The following AACS variants were observed in gnomAD, a reference collection of about 807,000 sequenced individuals.
AACS encodes acetoacetyl-CoA synthetase.
AACS carries 69 observed loss-of-function variants against 83.1 expected under a neutral mutation model. The observed-to-expected ratio is 0.83, with a 90% CI of 0.68 to 1.01. AACS has a LOEUF of 1.01. Ranked by LOEUF, AACS falls within the 50% of genes least tolerant of loss-of-function variation. The probability of loss-of-function intolerance (pLI) is 0.00; values close to 1 mark genes in which losing one functional copy is unlikely to be tolerated. For synonymous variants in AACS, 333 were observed against 343.4 expected, an observed-to-expected ratio of 0.97 and a Z score of 0.33; for missense variants, 866 against 882.2, an observed-to-expected ratio of 0.98 and a Z score of 0.23.
intron 4 of AACS, 24 bp from the exon 5 acceptor site, chr12:125,091,402 C>T (rs1305229959): frequency 1.2e-6 from 2 of 1,612,496 alleles, no homozygotes; most frequent in Admixed American, 3.3e-5. Flanking sequence ...GAACCCAAGG[C>T]TTCTTCCTAT....
chr12:125,121,713 A>G (rs1008721987), intron 10 of AACS: 2 of 152,274 alleles, frequency 1.3e-5, no homozygotes, highest in Non-Finnish European at 2.9e-5. Flanking sequence ...TGGGTTGCCC[A>G]GTTTTGCCCG....
At chr12:125,114,054 C>T (rs2136109777) in intron 8 of AACS, among the ~76,000 whole-genome samples, 1 of 151,362 alleles carries the variant, frequency 6.6e-6, no homozygotes. Flanking sequence ...ATCCCCCTCA[C>T]CCCGCTGTTC....
In AACS at chr12:125,080,817, G is replaced by A. The variant is rs1203141643; in HGVS notation, c.358+4206G>A. The stretch of plus-strand genomic sequence containing the variant: ...CGCCATTCTCCTGCCTCAGCCTCCC[G>A]AGTAGCTGGGACTACAGGCGCCCGC... On this transcript the variant is annotated intron_variant, in intron 3 of 17. Coordinates refer to ENST00000316519, the MANE Select transcript of AACS (RefSeq NM_023928.5). 7.3e-5 allele frequency among the ~76,000 whole-genome samples: 11 copies of A among 151,026 alleles called. 1 individual carries two copies. The highest frequency in any genetic ancestry group is 2.0e-4 in the Admixed American group (3 of 15,134).
chr12:125,083,890 G>T (rs1417218392), intron 3 of AACS, among the ~76,000 whole-genome samples: 1 of 152,030 alleles, frequency 6.6e-6, no homozygotes, highest in Admixed American at 6.6e-5. Flanking sequence ...CTGACCTCAG[G>T]TGATTCACCT....
intron 17 of AACS, chr12:125,138,625 G>C (rs1454056212): frequency 6.6e-6 from 1 of 152,166 alleles, no homozygotes; most frequent in East Asian, 1.9e-4. Context: ...TATGAAGGGG[G>C]AAAACTCAGC....
intron 10 of AACS, chr12:125,123,254 T>C (rs1280955146): frequency 2.0e-5 from 3 of 152,336 alleles, no homozygotes; most frequent in African/African-American, 7.2e-5. Context: ...AGGTGGTCAC[T>C]GCTGCTCAGG....
At chr12:125,090,401 T>A (rs868068743) in intron 4 of AACS, among the ~76,000 whole-genome samples, 1 of 151,444 alleles carries the variant, frequency 6.6e-6, no homozygotes, top group South Asian at 2.1e-4. Context: ...CCACCCATCA[T>A]CTACCCATTC....
chr12:125,080,217 T>C (rs559497501), intron 3 of AACS, among the ~76,000 whole-genome samples: 2 of 152,306 alleles, frequency 1.3e-5, no homozygotes, highest in South Asian at 4.2e-4. Context: ...GCTGCGTCTC[T>C]TTTCTTTTCC....
In AACS at chr12:125,130,258, C is replaced by T. The variant is rs1957311870; in HGVS notation, c.1549+798C>T. ...TCCTGCCTTGCGTGTTTGCGTTTCA[C>T]CGTTAAAGCCATTGTGCCTGGAATA... On this transcript the variant is annotated intron_variant, in intron 14 of 17. Transcript: ENST00000316519. The surrounding 1 kb of genome is among the most constrained non-coding windows in gnomAD (Gnocchi z 4.9). 6.6e-6 allele frequency among the ~76,000 whole-genome samples: 1 copy of T among 152,220 alleles called. No individual in the cohort carries two copies. The highest frequency in any genetic ancestry group is 2.4e-5 in the African/African-American group (1 of 41,450).
chr12:125,089,523 C>T (rs1172689656), intron 4 of AACS, among the ~76,000 whole-genome samples: 1 of 152,146 alleles, frequency 6.6e-6, no homozygotes, highest in African/African-American at 2.4e-5. Context: ...ATGAGGATTC[C>T]CTGCCTCTGT....
At chr12:125,083,905 C>T (rs1956263134) in intron 3 of AACS, among the ~76,000 whole-genome samples, 1 of 152,090 alleles carries the variant, frequency 6.6e-6, no homozygotes, top group Non-Finnish European at 1.5e-5. Flanking sequence ...TCACCTGCCT[C>T]AGCCTCCCAA....
At chr12:125,093,267 C>G (rs769179479) in intron 5 of AACS, among the ~76,000 whole-genome samples, 35 of 152,212 alleles carry the variant, frequency 2.3e-4, no homozygotes, top group Non-Finnish European at 4.6e-4. Flanking sequence ...AGCCTCCTCC[C>G]CCTGGAGAGG....
chr12:125,128,011 A>C, intron 12 of AACS, 150 bp from the exon 13 acceptor site: 1 of 519,368 alleles, frequency 1.9e-6, no homozygotes, highest in Non-Finnish European at 3.4e-6. Context: ...TGCTCCCTGA[A>C]GAGAAGCCCC....
chr12:125,072,653 C>T (rs778806266), intron 1 of AACS, among the ~76,000 whole-genome samples: 8 of 152,224 alleles, frequency 5.3e-5, no homozygotes, highest in Non-Finnish European at 8.8e-5. Context: ...GACTGATTGG[C>T]TCACTGTGGC....
chr12:125,124,385 C>T, intron 10 of AACS: 1 of 292,850 alleles, frequency 3.4e-6, no homozygotes, highest in Non-Finnish European at 6.3e-6. Context: ...TTTTTATGGC[C>T]TCCTTTGGTC....
chr12:125,070,833 C>T (rs1019461989), intron 1 of AACS, among the ~76,000 whole-genome samples: 14 of 152,210 alleles, frequency 9.2e-5, no homozygotes, highest in Non-Finnish European at 2.1e-4. Context: ...GAGCTGTAGT[C>T]TGCCGTCTGG....
At chr12:125,108,024 C>T (rs1956871015) in intron 8 of AACS, among the ~76,000 whole-genome samples, 1 of 152,120 alleles carries the variant, frequency 6.6e-6, no homozygotes, top group Non-Finnish European at 1.5e-5. Flanking sequence ...GGGTGGTGTT[C>T]TGTGAAGCTG....
chr12:125,066,712 G>C (rs1048500255), intron 1 of AACS, among the ~76,000 whole-genome samples: 1 of 152,104 alleles, frequency 6.6e-6, no homozygotes, highest in African/African-American at 2.4e-5. Flanking sequence ...GCCTCCCAAA[G>C]TGCTGGGATT....
At chr12:125,123,855 TAGAC>T (rs1236612726) in intron 10 of AACS, 1 of 152,204 alleles carries the variant, frequency 6.6e-6, no homozygotes, top group African/African-American at 2.4e-5. Context: ...AATAGCATAT[TAGAC>T]AGGGCTGCCC....
Sources: gnomAD v4.1 joint callset for allele counts (sites outside exome capture counted in the v4.1 genomes callset) on GRCh38, gnomAD v4.1.1 for gene constraint, Gnocchi (gnomAD v3.1) non-coding constraint, MANE v1.5 for transcripts, NCBI Gene and HGNC (gene_info 2026-07-23, HGNC 2026-07-21) for gene names.